The following ADRA1B variants were observed in gnomAD, a reference collection of about 807,000 sequenced individuals.
ADRA1B encodes the protein adrenoceptor alpha 1B.
ADRA1B carries 17 observed loss-of-function variants against 17.9 expected under a neutral mutation model. That is an observed-to-expected ratio of 0.95 (90% CI 0.65 to 1.42). The LOEUF (loss-of-function observed/expected upper bound fraction) is 1.42, where lower values mean the gene tolerates loss of function less well. ADRA1B is among the 40% of genes most tolerant of loss of function. ADRA1B has a pLI of 0.00. For synonymous variants in ADRA1B, 366 were observed against 327.6 expected, an observed-to-expected ratio of 1.12 and a Z score of -1.27; for missense variants, 681 against 722.1, an observed-to-expected ratio of 0.94 and a Z score of 0.65.
intron 1 of ADRA1B, among the ~76,000 whole-genome samples, chr5:159,910,444 C>A (rs950756382): frequency 8.5e-5 from 13 of 152,158 alleles, no homozygotes; most frequent in African/African-American, 2.9e-4. Context: ...GGCTAGTGAC[C>A]CTGGCTCTAC....
intron 1 of ADRA1B, among the ~76,000 whole-genome samples, chr5:159,956,461 A>C (rs1755552643): frequency 6.6e-6 from 1 of 151,946 alleles, no homozygotes. Context: ...TCTTCCCTGA[A>C]ATTTGCTTTT....
At chr5:159,963,288 G>GTATATATATATATATGTA (rs779436118) in intron 1 of ADRA1B, among the ~76,000 whole-genome samples, 2 of 132,702 alleles carry the variant, frequency 1.5e-5, no homozygotes, top group Admixed American at 1.5e-4. Flanking sequence ...AACAAAAAAA[G>GTATATATATATATATGTA]TATATATATA....
upstream of ADRA1B, among the ~76,000 whole-genome samples, chr5:159,912,970 C>G (rs1200089294): frequency 6.6e-6 from 1 of 152,184 alleles, no homozygotes; most frequent in Non-Finnish European, 1.5e-5. Context: ...ACATGCATCT[C>G]TATATGCCTG....
chr5:159,974,446 C>A (rs1755941397), downstream of ADRA1B, among the ~76,000 whole-genome samples: 1 of 152,104 alleles, frequency 6.6e-6, no homozygotes, highest in East Asian at 1.9e-4. Flanking sequence ...ACCAGCCTGG[C>A]CAACAGGGTG....
intron 1 of ADRA1B, chr5:159,870,059 C>G (rs569117390): frequency 6.6e-6 from 1 of 152,100 alleles, no homozygotes; most frequent in Non-Finnish European, 1.5e-5. Context: ...AGACAGTAAA[C>G]AAAAAGTCAC....
chr5:159,877,133 A>T (rs1163985419), intron 1 of ADRA1B, among the ~76,000 whole-genome samples: 1 of 152,200 alleles, frequency 6.6e-6, no homozygotes, highest in East Asian at 1.9e-4. Flanking sequence ...CTCAGTTCAT[A>T]AATCAAGGCT....
intron 1 of ADRA1B, among the ~76,000 whole-genome samples, chr5:159,865,373 A>G (rs1753640912): frequency 1.3e-5 from 2 of 152,146 alleles, no homozygotes; most frequent in African/African-American, 2.4e-5. Flanking sequence ...CTTTGGGGAA[A>G]AAAAAAACAA....
rs879646586 is a variant in ADRA1B, at chr5:159,950,576, T to G, written c.950-21303T>G. ...TCGTTGTCATACCAGGAAATGAGCT[T>G]GACAAAATGGTCTTTGAGGGCAATG... On this transcript the variant is annotated intron_variant, in intron 1 of 1. Coordinates refer to ENST00000306675, the MANE Select transcript of ADRA1B (RefSeq NM_000679.4). 8.4e-5 allele frequency: 109 copies of G among 1,296,722 alleles called. No homozygotes were observed. In the Middle Eastern group the frequency reaches 1.1e-3, roughly 13 times the overall value. The allele number at this position is 1,296,722 out of a possible 1,614,324, so 80.3% of individuals were successfully genotyped here.
chr5:159,906,237 A>G (rs1754159655), intron 1 of ADRA1B, among the ~76,000 whole-genome samples: 1 of 152,212 alleles, frequency 6.6e-6, no homozygotes, highest in African/African-American at 2.4e-5. Flanking sequence ...CCTGCATCCT[A>G]TAAGAATCCT....
At chr5:159,943,160 C>A (rs911876276) in intron 1 of ADRA1B, among the ~76,000 whole-genome samples, 1 of 150,730 alleles carries the variant, frequency 6.6e-6, no homozygotes, top group African/African-American at 2.4e-5. Flanking sequence ...TGCAGTGAGG[C>A]GAGATTGCGC....
At chr5:159,948,154 A>G in intron 1 of ADRA1B, 1 of 985,444 alleles carries the variant, frequency 1.0e-6, no homozygotes, top group Non-Finnish European at 1.2e-6. Flanking sequence ...TAATCATAAC[A>G]GGACTTTGAC....
intron 1 of ADRA1B, chr5:159,947,665 T>C (rs1755314410): frequency 1.0e-6 from 1 of 978,016 alleles, no homozygotes; most frequent in South Asian, 4.7e-5. Context: ...ATGGGGGACC[T>C]GGCTATGACT....
In ADRA1B at chr5:159,972,264, C is replaced by G. The variant is rs774975421; in HGVS notation, c.1335C>G (p.Pro445=). ...APPPVELCAF[P]EWKAPGALLS... ...CGCCAGTCGAGCTGTGCGCCTTCCC[C>G]GAGTGGAAGGCGCCCGGCGCCCTCC... is the stretch of plus-strand genomic sequence containing the variant. The change falls in exon 2 of 2, where the codon CCC becomes CCG. Residue 445 remains proline (P), a synonymous_variant. Transcript: ENST00000306675. The G allele has an allele frequency of 5.9e-6, 8 of 1,345,514 alleles. No homozygotes were observed. The highest frequency in any genetic ancestry group is 6.9e-5 in the Admixed American group (2 of 29,192). The allele number at this position is 1,345,514 out of a possible 1,614,324, so 83.3% of individuals were successfully genotyped here. A position where few individuals can be genotyped will look rare whatever the true frequency, so the allele number is the denominator to read the frequency against.
intron 1 of ADRA1B, among the ~76,000 whole-genome samples, chr5:159,926,254 C>A (rs1370828633): frequency 2.6e-5 from 4 of 152,164 alleles, no homozygotes; most frequent in South Asian, 2.1e-4. Flanking sequence ...TGTAAACATG[C>A]GGTTCTGCTG....
intron 1 of ADRA1B, among the ~76,000 whole-genome samples, chr5:159,899,271 G>GAAGAAAGGAAGGAAGA (rs1554088328): frequency 1.7e-5 from 2 of 116,044 alleles, no homozygotes; most frequent in African/African-American, 6.6e-5. Flanking sequence ...AGAAAGGAAG[G>GAAGAAAGGAAGGAAGA]AAGGAAGGAA....
rs994516588 is a variant in ADRA1B at position 159,948,364 on chromosome 5, T to C, written c.950-23515T>C. The stretch of plus-strand genomic sequence containing the variant: ...GGTATCTCAACAAGGAAAGAAAATA[T>C]AACTCTCATTTCAACATGAAGAAAG... On this transcript the variant is annotated intron_variant, in intron 1 of 1. Transcript: ENST00000306675. 16 of 985,304 alleles carry C rather than the reference T, an allele frequency of 1.6e-5. No homozygotes were observed. In the Admixed American group the frequency reaches 4.3e-4, roughly 26 times the overall value. The allele number at this position is 985,304 out of a possible 1,614,324, so 61.0% of individuals were successfully genotyped here.
chr5:159,942,847 G>C (rs553914295), intron 1 of ADRA1B, among the ~76,000 whole-genome samples: 38 of 151,962 alleles, frequency 2.5e-4, no homozygotes, highest in African/African-American at 8.7e-4. Flanking sequence ...ACGAAATTAG[G>C]GATGGTAGTC....
intron 1 of ADRA1B, among the ~76,000 whole-genome samples, chr5:159,949,567 T>A (rs1010882870): frequency 6.6e-6 from 1 of 152,202 alleles, no homozygotes; most frequent in Non-Finnish European, 1.5e-5. Flanking sequence ...ACTAATACAC[T>A]CATTCTTCAA....
chr5:159,951,245 G>T (rs1269336037), intron 1 of ADRA1B: 5 of 945,510 alleles, frequency 5.3e-6, no homozygotes, highest in Non-Finnish European at 6.8e-6. Flanking sequence ...CGCCCCATTT[G>T]ATTTTGGAGG....
Sources: gnomAD v4.1 joint callset for allele counts (sites outside exome capture counted in the v4.1 genomes callset) on GRCh38, gnomAD v4.1.1 for gene constraint, MANE v1.5 for transcripts, NCBI Gene and HGNC (gene_info 2026-07-23, HGNC 2026-07-21) for gene names.